DPY19L2: variants seen among roughly 807,000 people sequenced by gnomAD.
The protein encoded by DPY19L2 is probable C-mannosyltransferase DPY19L2.
DPY19L2 carries 34 observed loss-of-function variants against 97.9 expected under a neutral mutation model. That is an observed-to-expected ratio of 0.35 (90% CI 0.26 to 0.46). The LOEUF (loss-of-function observed/expected upper bound fraction) is 0.46. Among genes scored for constraint, DPY19L2 ranks in the 20% least tolerant of loss-of-function variants. DPY19L2 has a pLI of 1.00. For missense variants in DPY19L2, 623 were observed against 911.4 expected (o/e 0.68, Z 4.07); for synonymous variants, 230 against 307.9 (o/e 0.75, Z 2.65).
intron 4 of DPY19L2, among the ~76,000 whole-genome samples, chr12:63,654,027 A>T (rs552410524): frequency 1.4e-4 from 21 of 152,186 alleles, no homozygotes; most frequent in African/African-American, 5.1e-4. Flanking sequence ...AAATTTAAAA[A>T]AATGCAGCCA....
chr12:63,617,282 A>G (rs4105524), intron 11 of DPY19L2, 22 bp downstream of exon 11: 661,433 of 1,545,498 alleles, frequency 0.43, 141,102 homozygotes, highest in South Asian at 0.48. Context: ...AAAAAAACCA[A>G]CTTTATGAAC....
At position 63,597,907 on chromosome 12, in the gene DPY19L2, G is replaced by A. The variant is rs754869560; in HGVS notation, c.1363C>T (p.Arg455Cys). 21 of 1,585,458 alleles carry A rather than the reference G, an allele frequency of 1.3e-5. No individual in the cohort carries two copies. Among genetic ancestry groups the A allele is most frequent in the African/African-American group, 9.5e-5 (7 of 73,530 alleles). Residue 455 changes from arginine (R) to cysteine (C), a missense_variant, in exon 14 of 22, where the codon CGC (arginine) becomes TGC (cysteine). Physicochemically the swap from Arg to Cys is radical, Grantham distance 180 (BLOSUM62 -3). Transcript: ENST00000324472. ...SKILGVSDHI[R>C]LSDLIAARIL... ...CTGGCTGCTATAAGATCACTCAGGC[G>A]AATCTGGGAGAAAATAAAGTAAAAT...
intron 11 of DPY19L2, among the ~76,000 whole-genome samples, chr12:63,612,639 A>G (rs1887208546): frequency 6.6e-6 from 1 of 150,950 alleles, no homozygotes; most frequent in Admixed American, 6.6e-5. Flanking sequence ...AAAGGAGAGC[A>G]AAACCCAAAG....
chr12:63,568,519 A>AT (rs1357264391), intron 21 of DPY19L2, among the ~76,000 whole-genome samples: 1 of 151,846 alleles, frequency 6.6e-6, no homozygotes, highest in Non-Finnish European at 1.5e-5. Context: ...CTATTAACTT[A>AT]TTTTTTTCAG....
chr12:63,609,658 C>A (rs1387924115), intron 11 of DPY19L2, among the ~76,000 whole-genome samples: 1 of 152,104 alleles, frequency 6.6e-6, no homozygotes, highest in African/African-American at 2.4e-5. Flanking sequence ...TTAAGCCATC[C>A]TGTCTGTGGT....
At chr12:63,648,097 C>T (rs1160771445) in intron 4 of DPY19L2, among the ~76,000 whole-genome samples, 1 of 152,064 alleles carries the variant, frequency 6.6e-6, no homozygotes, top group Non-Finnish European at 1.5e-5. Flanking sequence ...TACTGTCTGC[C>T]GTGTGAGGAC....
Position 63,668,434 on chromosome 12 carries a change from G to A in DPY19L2, c.-41C>T. 6.6e-7 allele frequency: 1 copy of A among 1,524,320 alleles called. No individual in the cohort carries two copies. The highest frequency in any genetic ancestry group is 2.0e-5 in the Admixed American group (1 of 48,962). The allele number at this position is 1,524,320 out of a possible 1,614,324, so 94.4% of individuals were successfully genotyped here. A position where few individuals can be genotyped will look rare whatever the true frequency, so the allele number is the denominator to read the frequency against. Reference sequence around the variant, plus strand: ...TGGAGCTGGGTCAATTTCAGGCACAGCCCAGCCGAGTCAGGCGAGGTCCAG... The same window carrying A: ...TGGAGCTGGGTCAATTTCAGGCACAACCCAGCCGAGTCAGGCGAGGTCCAG... On this transcript the variant is annotated 5_prime_UTR_variant, in exon 1 of 22. Coordinates refer to ENST00000324472, the MANE Select transcript of DPY19L2 (RefSeq NM_173812.5).
intron 4 of DPY19L2, among the ~76,000 whole-genome samples, chr12:63,647,640 G>A (rs1020191528): frequency 6.6e-6 from 1 of 152,078 alleles, no homozygotes; most frequent in African/African-American, 2.4e-5. Flanking sequence ...ACTTTGATGA[G>A]CTGATTTAAA....
chr12:63,622,976 T>G (rs1363623010), intron 8 of DPY19L2, among the ~76,000 whole-genome samples: 1 of 152,096 alleles, frequency 6.6e-6, no homozygotes, highest in East Asian at 1.9e-4. Flanking sequence ...AAATTTACTG[T>G]TTTAAAAAAT....
intron 13 of DPY19L2, among the ~76,000 whole-genome samples, chr12:63,598,571 A>G (rs1884639378): frequency 6.6e-6 from 1 of 152,168 alleles, no homozygotes; most frequent in Non-Finnish European, 1.5e-5. Context: ...ATTTTTCCAC[A>G]GCATCCTCAG....
At chr12:63,573,249 TA>T (rs1207292216) in intron 19 of DPY19L2, among the ~76,000 whole-genome samples, 1 of 151,958 alleles carries the variant, frequency 6.6e-6, no homozygotes, top group African/African-American at 2.4e-5. Flanking sequence ...AGTTAACAAA[TA>T]AATTGAAATA....
At chr12:63,662,498 A>G (rs1895809171) in intron 3 of DPY19L2, among the ~76,000 whole-genome samples, 5 of 151,122 alleles carry the variant, frequency 3.3e-5, no homozygotes, top group Middle Eastern at 3.5e-3. Flanking sequence ...TATTAAATAT[A>G]TAAAAAGTTA....
intron 7 of DPY19L2, among the ~76,000 whole-genome samples, chr12:63,625,547 A>G (rs1304444309): frequency 1.3e-5 from 2 of 152,118 alleles, no homozygotes; most frequent in East Asian, 1.9e-4. Flanking sequence ...TGTACTCAAT[A>G]ATTTGTTGAA....
At chr12:63,651,000 A>C (rs1439766651) in intron 4 of DPY19L2, among the ~76,000 whole-genome samples, 2 of 152,206 alleles carry the variant, frequency 1.3e-5, no homozygotes, top group East Asian at 3.8e-4. Context: ...CCAACTTCAA[A>C]CTATATTTCA....
intron 6 of DPY19L2, among the ~76,000 whole-genome samples, chr12:63,633,391 A>C (rs190219839): frequency 0.015 from 2,239 of 152,252 alleles, 25 homozygotes; most frequent in Non-Finnish European, 0.021. Context: ...ACCCCATCAA[A>C]AAGTGGGTGA....
At chr12:63,652,870 A>T (rs1311896637) in intron 4 of DPY19L2, among the ~76,000 whole-genome samples, 1 of 152,102 alleles carries the variant, frequency 6.6e-6, no homozygotes, top group Non-Finnish European at 1.5e-5. Flanking sequence ...CCAAACCCCC[A>T]CTGCATGCAA....
intron 4 of DPY19L2, among the ~76,000 whole-genome samples, chr12:63,660,283 TG>T (rs1303852511): frequency 1.3e-5 from 2 of 151,892 alleles, no homozygotes; most frequent in Non-Finnish European, 2.9e-5. Context: ...TATATTAAGA[TG>T]GGGAAATACA....
intron 6 of DPY19L2, among the ~76,000 whole-genome samples, chr12:63,634,077 G>C (rs540966736): frequency 1.7e-4 from 25 of 150,766 alleles, no homozygotes; most frequent in South Asian, 6.3e-4. Flanking sequence ...GTGCGGGGAA[G>C]GGGGAGGGAT....
At chr12:63,650,859 C>A (rs1894108487) in intron 4 of DPY19L2, among the ~76,000 whole-genome samples, 1 of 152,042 alleles carries the variant, frequency 6.6e-6, no homozygotes, top group African/African-American at 2.4e-5. Context: ...TATATGGATA[C>A]TCCTTCAACA....
Sources: allele counts gnomAD v4.1 joint callset (sites outside exome capture counted in the v4.1 genomes callset), GRCh38; gene constraint gnomAD v4.1.1; transcripts MANE v1.5; gene names NCBI Gene and HGNC (gene_info 2026-07-23, HGNC 2026-07-21).